The following DOCK5 variants were observed in gnomAD, a reference collection of about 807,000 sequenced individuals.
DOCK5 encodes dedicator of cytokinesis 5, also known as dedicator of cytokinesis protein 5.
DOCK5 carries 142 observed loss-of-function variants against 251.8 expected under a neutral mutation model. That is an observed-to-expected ratio of 0.56 (90% CI 0.49 to 0.65). The LOEUF (loss-of-function observed/expected upper bound fraction) is 0.65. Among genes scored for constraint, DOCK5 ranks in the 30% least tolerant of loss-of-function variants. The pLI is 0.00. For missense variants in DOCK5, 2,111 were observed against 2,312.3 expected (o/e 0.91, Z 1.79); for synonymous variants, 842 against 835.5 (o/e 1.01, Z -0.13).
At chr8:25,205,255 C>G (rs1377230929) in intron 1 of DOCK5, among the ~76,000 whole-genome samples, 1 of 152,002 alleles carries the variant, frequency 6.6e-6, no homozygotes, top group Non-Finnish European at 1.5e-5. Flanking sequence ...CTCTCACTCT[C>G]TCTCCCTCTG....
At chr8:25,246,704 TTGTGTG>T (rs55963570) in intron 2 of DOCK5, among the ~76,000 whole-genome samples, 5,670 of 89,494 alleles carry the variant, frequency 0.063, 216 homozygotes, top group Non-Finnish European at 0.081. Context: ...CCATGTTAGT[TTGTGTG>T]TGTGTGTGTG....
chr8:25,377,910 CT>C lies in DOCK5; in HGVS notation c.3936+500del, dbSNP rs35469697. ...GTGTACAGAGTTTTTATTGGGGTTT[CT>C]TTTTTTTTTTTTTGGTAAATATGGG... is the stretch of plus-strand genomic sequence containing the variant. On this transcript the variant is annotated intron_variant, in intron 38 of 51. Coordinates refer to ENST00000276440, the MANE Select transcript of DOCK5 (RefSeq NM_024940.8). Among the ~76,000 whole-genome samples, 834 of 142,362 alleles carry C rather than the reference CT, an allele frequency of 5.9e-3. 4 individuals are homozygous for C. The highest frequency in any genetic ancestry group is 0.015 in the African/African-American group (584 of 38,790). 93.4% of individuals were successfully genotyped at this position (142,362 alleles called of 152,430 possible).
chr8:25,335,447 G>A (rs949471681), intron 21 of DOCK5, among the ~76,000 whole-genome samples: 5 of 151,718 alleles, frequency 3.3e-5, no homozygotes, highest in Admixed American at 6.6e-5. Flanking sequence ...CAGAGATCAC[G>A]CCACTGCACT....
At chr8:25,268,506 CATTT>C (rs1803822972) in intron 2 of DOCK5, among the ~76,000 whole-genome samples, 2 of 152,048 alleles carry the variant, frequency 1.3e-5, no homozygotes, top group Admixed American at 1.3e-4. Context: ...CATGCAAAAA[CATTT>C]ATTAAATGAC....
At chr8:25,190,204 C>T (rs1420959112) in intron 1 of DOCK5, among the ~76,000 whole-genome samples, 8 of 152,080 alleles carry the variant, frequency 5.3e-5, no homozygotes, top group Non-Finnish European at 1.2e-4. Flanking sequence ...TTTTTAAATG[C>T]ATAAAGTACG....
intron 5 of DOCK5, among the ~76,000 whole-genome samples, chr8:25,282,019 GACTAAA>G (rs759456736): frequency 7.6e-4 from 115 of 151,880 alleles, no homozygotes; most frequent in Non-Finnish European, 1.4e-3. Context: ...GCTGTTGATT[GACTAAA>G]AGACATTCTT....
At position 25,391,921 on chromosome 8, in the gene DOCK5, C is replaced by T. The variant is rs749901126; in HGVS notation, c.4381C>T (p.Gln1461Ter). 6.2e-7 allele frequency: 1 copy of T among 1,613,858 alleles called. No individual in the cohort carries two copies. The change falls in exon 43 of 52, where the codon CAG (glutamine) becomes TAG (stop). Residue 1461 changes from glutamine (Q) to a stop codon, truncating the protein, a stop_gained. Coordinates refer to ENST00000276440, the MANE Select transcript of DOCK5 (RefSeq NM_024940.8). LOFTEE classifies it high-confidence loss of function. Reference sequence around the variant, plus strand: ...CTACTACAGAGCCAATGAAGTGCAGCAGTTCAGATACTCCCGGCCGTTCCG... The same window carrying T: ...CTACTACAGAGCCAATGAAGTGCAGTAGTTCAGATACTCCCGGCCGTTCCG... ...LNYYRANEVQQFRYSRPFRKG... is the reference protein window; with the variant it reads ...LNYYRANEVQ
At chr8:25,245,111 C>T (rs530944771) in intron 2 of DOCK5, among the ~76,000 whole-genome samples, 1 of 152,288 alleles carries the variant, frequency 6.6e-6, no homozygotes, top group Non-Finnish European at 1.5e-5. Flanking sequence ...GGCTGGAGTG[C>T]AGTGACACGA....
chr8:25,300,821 G>A (rs573189412), intron 9 of DOCK5, among the ~76,000 whole-genome samples, 164 bp downstream of exon 9: 1 of 152,220 alleles, frequency 6.6e-6, no homozygotes, highest in South Asian at 2.1e-4. Context: ...TTCAATGCCA[G>A]GCACTGATTT....
At chr8:25,300,404 T>C (rs1804731588) in intron 8 of DOCK5, among the ~76,000 whole-genome samples, 172 bp from the exon 9 acceptor site, 1 of 152,176 alleles carries the variant, frequency 6.6e-6, no homozygotes. Flanking sequence ...CACCCAGCAG[T>C]GGCCATCTGT....
At position 25,358,996 on chromosome 8, in the gene DOCK5, C is replaced by T; in HGVS notation, c.2884C>T (p.Gln962Ter). 6.2e-7 allele frequency: 1 copy of T among 1,613,988 alleles called. No individual in the cohort carries two copies. Among genetic ancestry groups the T allele is most frequent in the Non-Finnish European group, 8.5e-7 (1 of 1,179,874 alleles). Reference sequence around the variant, plus strand: ...TGTGGCTTGCATGATTGCCCTGCTGCAGCAAATGGACGACAGCCACTATAG... The same window carrying T: ...TGTGGCTTGCATGATTGCCCTGCTGTAGCAAATGGACGACAGCCACTATAG... The part of the protein sequence containing the change: ...SFVACMIALL[Q>*]QMDDSHYSHY... Residue 962 changes from glutamine to a stop codon, truncating the protein, a stop_gained, in exon 28 of 52, where the codon CAG becomes TAG. Transcript: ENST00000276440. LOFTEE classifies it high-confidence loss of function.
At chr8:25,195,252 T>C (rs954753476) in intron 1 of DOCK5, among the ~76,000 whole-genome samples, 27 of 79,756 alleles carry the variant, frequency 3.4e-4, no homozygotes, top group Non-Finnish European at 5.1e-4. Flanking sequence ...TCCTTATCAC[T>C]TTTTTTTTTT....
intron 7 of DOCK5, among the ~76,000 whole-genome samples, chr8:25,297,813 G>A (rs1563192496): frequency 6.6e-6 from 1 of 152,124 alleles, no homozygotes; most frequent in Non-Finnish European, 1.5e-5. Flanking sequence ...TTGGGAGGCT[G>A]AGGTGGGCGG....
chr8:25,381,083 C>T (rs958600943), intron 39 of DOCK5, among the ~76,000 whole-genome samples: 6 of 151,792 alleles, frequency 4.0e-5, no homozygotes, highest in African/African-American at 1.2e-4. Context: ...CTTCTGAATG[C>T]CCAATAGAAG....
chr8:25,403,350 A>G (rs1258380718), intron 47 of DOCK5, among the ~76,000 whole-genome samples: 2 of 152,138 alleles, frequency 1.3e-5, no homozygotes, highest in Admixed American at 6.5e-5. Flanking sequence ...GGGAGGTTTA[A>G]CCTAAGTTGT....
At chr8:25,403,508 T>C (rs534601511) in intron 47 of DOCK5, 50 bp from the exon 48 acceptor site, 33 of 1,597,918 alleles carry the variant, frequency 2.1e-5, no homozygotes, top group East Asian at 1.8e-4. Context: ...GGCCAGTTCA[T>C]AGGGGCTGGA....
At chr8:25,297,721 G>C (rs1804653552) in intron 7 of DOCK5, among the ~76,000 whole-genome samples, 1 of 152,104 alleles carries the variant, frequency 6.6e-6, no homozygotes, top group Non-Finnish European at 1.5e-5. Context: ...TAAAGTGTTT[G>C]AAAGACTTCA....
intron 26 of DOCK5, among the ~76,000 whole-genome samples, chr8:25,348,896 A>G (rs1197021818): frequency 6.6e-6 from 1 of 152,120 alleles, no homozygotes; most frequent in Non-Finnish European, 1.5e-5. Context: ...AGAAATCTCT[A>G]AAGGCTCAGA....
At chr8:25,200,236 C>G (rs1801848373) in intron 1 of DOCK5, among the ~76,000 whole-genome samples, 1 of 152,164 alleles carries the variant, frequency 6.6e-6, no homozygotes, top group South Asian at 2.1e-4. Flanking sequence ...AATGCACATA[C>G]CCTTTGACTT....
Sources: gnomAD v4.1 joint callset for allele counts (sites outside exome capture counted in the v4.1 genomes callset) on GRCh38, gnomAD v4.1.1 for gene constraint, MANE v1.5 for transcripts, NCBI Gene and HGNC (gene_info 2026-07-23, HGNC 2026-07-21) for gene names.